Variants in CEP128 observed in about 807,000 individuals in gnomAD.
CEP128 encodes the protein centrosomal protein 128kDa.
Under a neutral mutation model 156.7 loss-of-function variants are expected in CEP128, and 132 were observed. The observed-to-expected ratio is 0.84, with a 90% CI of 0.73 to 0.97. The LOEUF (loss-of-function observed/expected upper bound fraction) is 0.97. Ranked by LOEUF, CEP128 falls within the 50% of genes least tolerant of loss-of-function variation. The pLI is 0.00. For synonymous variants in CEP128, 469 were observed against 448.9 expected, an observed-to-expected ratio of 1.04 and a Z score of -0.57; for missense variants, 1,252 against 1,281.9, an observed-to-expected ratio of 0.98 and a Z score of 0.36.
chr14:80,508,692 A>G (rs1270317909), intron 23 of CEP128, among the ~76,000 whole-genome samples: 1 of 152,186 alleles, frequency 6.6e-6, no homozygotes, highest in African/African-American at 2.4e-5. Flanking sequence ...TAAAAATATC[A>G]TTTTCATTTC....
intron 19 of CEP128, among the ~76,000 whole-genome samples, chr14:80,697,814 CA>C (rs915421375): frequency 1.8e-4 from 27 of 151,968 alleles, no homozygotes; most frequent in African/African-American, 6.3e-4. Context: ...GTTGATAAGC[CA>C]AATGCTGAAA....
chr14:80,504,057 T>G (rs987669855), intron 24 of CEP128, among the ~76,000 whole-genome samples: 1 of 152,188 alleles, frequency 6.6e-6, no homozygotes, highest in Non-Finnish European at 1.5e-5. Context: ...TGTATAACCC[T>G]ACAGGCCCAT....
At chr14:80,492,440 G>C (rs955478007), downstream of CEP128, among the ~76,000 whole-genome samples, 20 of 152,162 alleles carry the variant, frequency 1.3e-4, no homozygotes, top group African/African-American at 4.1e-4. Flanking sequence ...CACAGGACAA[G>C]TGAGCACGAC....
At chr14:80,578,973 G>A (rs1461314667) in intron 20 of CEP128, among the ~76,000 whole-genome samples, 1 of 152,022 alleles carries the variant, frequency 6.6e-6, no homozygotes, top group Admixed American at 6.6e-5. Context: ...TGCACTGGAT[G>A]GACATTTCAG....
At chr14:80,735,261 T>C (rs1188067078) in intron 19 of CEP128, among the ~76,000 whole-genome samples, 10 of 152,270 alleles carry the variant, frequency 6.6e-5, no homozygotes, top group Admixed American at 6.5e-4. Context: ...CCTAAGCCAA[T>C]AAGGACTGTC....
intron 19 of CEP128, among the ~76,000 whole-genome samples, chr14:80,584,526 A>T (rs1042194981): frequency 2.0e-5 from 3 of 151,396 alleles, no homozygotes; most frequent in Non-Finnish European, 4.4e-5. Context: ...AAAATTGCTC[A>T]CTCCACCCAC....
At chr14:80,560,740 T>C (rs1890634802) in intron 20 of CEP128, among the ~76,000 whole-genome samples, 1 of 152,274 alleles carries the variant, frequency 6.6e-6, no homozygotes, top group Admixed American at 6.5e-5. Context: ...AGCCTACATC[T>C]TTCTCCCGTG....
rs531401962 is a variant in CEP128 at position 80,938,785 on chromosome 14, T to A, written c.-16+600A>T. ...AATAATAATATAAGGACCACTATAT[T>A]TTTTTTAAAAAACTAAGAAAGATAA... On this transcript the variant is annotated intron_variant, in intron 2 of 24. Transcript: ENST00000555265. 3.3e-5 allele frequency among the ~76,000 whole-genome samples: 5 copies of A among 152,286 alleles called. No homozygotes were observed. The South Asian group carries it at 1.0e-3, about 32-fold the overall frequency.
intron 19 of CEP128, among the ~76,000 whole-genome samples, chr14:80,713,268 G>A (rs982050393): frequency 7.2e-5 from 11 of 152,142 alleles, no homozygotes; most frequent in African/African-American, 1.2e-4. Context: ...CATTTTCCGC[G>A]GTGATCTTTT....
chr14:80,927,617 TC>T (rs1412470176), intron 2 of CEP128, among the ~76,000 whole-genome samples: 14 of 152,174 alleles, frequency 9.2e-5, no homozygotes, highest in African/African-American at 3.1e-4. Flanking sequence ...TGGATTGCTT[TC>T]CCAGTGGCCC....
At chr14:80,631,257 C>T (rs1341060751) in intron 19 of CEP128, among the ~76,000 whole-genome samples, 1 of 151,884 alleles carries the variant, frequency 6.6e-6, no homozygotes, top group African/African-American at 2.4e-5. Context: ...CACATAGGCA[C>T]AATATAAACA....
At chr14:80,957,949 G>A (rs1886791209) in intron 2 of CEP128, 1 of 152,152 alleles carries the variant, frequency 6.6e-6, no homozygotes, top group Non-Finnish European at 1.5e-5. Flanking sequence ...AATGGAGAGG[G>A]AGGTAGTATG....
chr14:80,755,767 A>G (rs1334895422), intron 18 of CEP128, among the ~76,000 whole-genome samples: 3 of 152,262 alleles, frequency 2.0e-5, no homozygotes, highest in African/African-American at 7.2e-5. Flanking sequence ...CCCATCAATA[A>G]CCTAACCCAT....
chr14:80,651,578 A>G (rs1192202741), intron 19 of CEP128, among the ~76,000 whole-genome samples: 2 of 152,052 alleles, frequency 1.3e-5, no homozygotes, highest in East Asian at 1.9e-4. Flanking sequence ...CCCTCTAAAC[A>G]CTGCTTTAGC....
intron 8 of CEP128, among the ~76,000 whole-genome samples, chr14:80,886,206 T>G (rs772824049): frequency 8.5e-5 from 13 of 152,070 alleles, no homozygotes; most frequent in Non-Finnish European, 1.9e-4. Flanking sequence ...GAAACACTCT[T>G]CAGGATATTA....
intron 15 of CEP128, among the ~76,000 whole-genome samples, chr14:80,781,468 A>AAAT (rs1901111081): frequency 6.6e-6 from 1 of 151,810 alleles, no homozygotes; most frequent in Admixed American, 6.6e-5. Flanking sequence ...AAAAAAAAAA[A>AAAT]AAAAAAAGTA....
At chr14:80,919,837 T>TAC (rs1322711129) in intron 2 of CEP128, among the ~76,000 whole-genome samples, 2 of 152,158 alleles carry the variant, frequency 1.3e-5, no homozygotes, top group Admixed American at 6.5e-5. Context: ...GTTTCACTAG[T>TAC]ACACACACAC....
intron 24 of CEP128, 66 bp downstream of exon 24, chr14:80,504,846 A>G (rs1887895703): frequency 1.3e-6 from 1 of 779,202 alleles, no homozygotes; most frequent in African/African-American, 1.7e-5. Context: ...GCCTTAAACT[A>G]ATTTTCCCAT....
At chr14:80,618,267 A>C (rs987549940) in intron 19 of CEP128, among the ~76,000 whole-genome samples, 37 of 152,234 alleles carry the variant, frequency 2.4e-4, no homozygotes, top group African/African-American at 8.9e-4. Context: ...TTATGATGTT[A>C]CAACAAACAA....
Sources: allele counts gnomAD v4.1 joint callset (sites outside exome capture counted in the v4.1 genomes callset), GRCh38; gene constraint gnomAD v4.1.1; transcripts MANE v1.5; gene names NCBI Gene and HGNC (gene_info 2026-07-23, HGNC 2026-07-21).